Variants in NUP93 observed in about 807,000 individuals in gnomAD.
NUP93 encodes nucleoporin 93, also known as nuclear pore complex protein Nup93.
Under a neutral mutation model 107.8 loss-of-function variants are expected in NUP93, and 55 were observed. That is an observed-to-expected ratio of 0.51 (90% confidence interval 0.41 to 0.64). The LOEUF (loss-of-function observed/expected upper bound fraction) is 0.64. Among genes scored for constraint, NUP93 ranks in the 30% least tolerant of loss-of-function variants. The pLI, the probability that NUP93 is intolerant of heterozygous loss-of-function variation, is 0.00. For missense variants in NUP93, 937 were observed against 1,044.7 expected (o/e 0.90, Z 1.42); for synonymous variants, 390 against 397.5 (o/e 0.98, Z 0.22).
At chr16:56,731,218 C>G (rs1172438218) in intron 1 of NUP93, among the ~76,000 whole-genome samples, 1 of 152,052 alleles carries the variant, frequency 6.6e-6, no homozygotes, top group Non-Finnish European at 1.5e-5. Flanking sequence ...CTTAATATCT[C>G]CACTGAGATG....
At chr16:56,745,150 A>G (rs1961800393) in intron 1 of NUP93, among the ~76,000 whole-genome samples, 1 of 152,210 alleles carries the variant, frequency 6.6e-6, no homozygotes, top group Non-Finnish European at 1.5e-5. Flanking sequence ...CCTCAAAGGC[A>G]GAGTGACAGG....
At chr16:56,750,376 T>A (rs555001468) in intron 2 of NUP93, among the ~76,000 whole-genome samples, 1 of 152,302 alleles carries the variant, frequency 6.6e-6, no homozygotes, top group Non-Finnish European at 1.5e-5. Context: ...GAGAACTGAG[T>A]AGGAAAAATT....
chr16:56,741,320 C>G (rs1305625484), intron 1 of NUP93, among the ~76,000 whole-genome samples: 1 of 152,108 alleles, frequency 6.6e-6, no homozygotes, highest in Non-Finnish European at 1.5e-5. Flanking sequence ...TATAAATCAG[C>G]AGAGTTTATA....
chr16:56,740,514 C>T (rs1439818035), intron 1 of NUP93, among the ~76,000 whole-genome samples: 9 of 149,128 alleles, frequency 6.0e-5, no homozygotes, highest in Admixed American at 1.3e-4. Flanking sequence ...GGATGGCGGC[C>T]GGGCGGAGAC....
intron 3 of NUP93, among the ~76,000 whole-genome samples, chr16:56,788,409 A>G (rs1962676845): frequency 1.3e-5 from 2 of 152,332 alleles, no homozygotes; most frequent in South Asian, 4.1e-4. Flanking sequence ...CTACAACCCT[A>G]CAAGGGTAGC....
At chr16:56,838,839 A>T in intron 18 of NUP93, 113 bp from the exon 19 acceptor site, 2 of 753,242 alleles carry the variant, frequency 2.7e-6, no homozygotes, top group Non-Finnish European at 4.6e-6. Context: ...AGCTGAGATT[A>T]CAGGCATGAG....
At chr16:56,835,721 A>G (rs1963894636) in intron 16 of NUP93, among the ~76,000 whole-genome samples, 1 of 152,200 alleles carries the variant, frequency 6.6e-6, no homozygotes, top group South Asian at 2.1e-4. Context: ...CAGAATGGCC[A>G]GGCAGAGATG....
At chr16:56,832,054 T>C (rs767418012) in intron 11 of NUP93, 47 bp downstream of exon 11, 1 of 1,604,666 alleles carries the variant, frequency 6.2e-7, no homozygotes, top group Non-Finnish European at 8.5e-7. Flanking sequence ...CCCTTTTCTG[T>C]GCTCAAGTCC....
intron 2 of NUP93, 64 bp downstream of exon 2, chr16:56,748,490 T>TTCCTGCCTTGAATTCAGA: frequency 7.3e-7 from 1 of 1,372,192 alleles, no homozygotes; most frequent in Non-Finnish European, 1.0e-6. Flanking sequence ...TGTTTCTTCT[T>TTCCTGCCTTGAATTCAGA]TCCTGCCTTG....
chr16:56,826,991 A>G (rs1045101097), intron 8 of NUP93, among the ~76,000 whole-genome samples: 6 of 133,482 alleles, frequency 4.5e-5, no homozygotes, highest in African/African-American at 1.7e-4. Flanking sequence ...GGTTGCAGTG[A>G]GCCGAGGTGG....
chr16:56,793,612 A>G (rs1596806975), intron 3 of NUP93, among the ~76,000 whole-genome samples: 1 of 152,128 alleles, frequency 6.6e-6, no homozygotes, highest in African/African-American at 2.4e-5. Context: ...AAGGAAACAC[A>G]TGGGTAGGAA....
Position 56,849,510 on chromosome 16 carries a change from G to A in NUP93, c.*4901G>A, listed in dbSNP as rs147888130. On this transcript the variant is annotated 3_prime_UTR_variant, in exon 22 of 22. Transcript: ENST00000308159. ...AAGTGGGGAGTCAGTGATCCCAGAG[G>A]GGACTTCAGCATCAGGACATATGCT... is the stretch of plus-strand genomic sequence containing the variant. The A allele has an allele frequency of 9.2e-3, 1,402 of 152,246 alleles. 12 individuals are homozygous for A. The highest frequency in any genetic ancestry group is 0.027 in the South Asian group (129 of 4,818). 9.4% of individuals were successfully genotyped at this position (152,246 alleles called of 1,614,324 possible). A position where few individuals can be genotyped will look rare whatever the true frequency, so the allele number is the denominator to read the frequency against.
At chr16:56,768,217 C>T (rs1176638416) in intron 3 of NUP93, among the ~76,000 whole-genome samples, 1 of 152,182 alleles carries the variant, frequency 6.6e-6, no homozygotes, top group Non-Finnish European at 1.5e-5. Flanking sequence ...CTTCCTTCTT[C>T]CTTCCCTGTT....
intron 4 of NUP93, among the ~76,000 whole-genome samples, chr16:56,804,810 A>G (rs1204436533): frequency 1.3e-5 from 2 of 151,634 alleles, no homozygotes; most frequent in Non-Finnish European, 2.9e-5. Context: ...GGAGGCTGAG[A>G]CAGGAAAATC....
At chr16:56,802,217 C>G (rs1963035691) in intron 4 of NUP93, among the ~76,000 whole-genome samples, 1 of 152,108 alleles carries the variant, frequency 6.6e-6, no homozygotes, top group Non-Finnish European at 1.5e-5. Flanking sequence ...TTGGTTTGAC[C>G]ACTATGTAGG....
intron 4 of NUP93, among the ~76,000 whole-genome samples, chr16:56,802,734 A>G (rs1470727390): frequency 6.6e-6 from 1 of 152,226 alleles, no homozygotes; most frequent in Non-Finnish European, 1.5e-5. Context: ...ATCAGTATAA[A>G]TTATCTGTGT....
intron 9 of NUP93, among the ~76,000 whole-genome samples, chr16:56,829,759 A>G (rs1187300096): frequency 1.3e-5 from 2 of 152,180 alleles, no homozygotes; most frequent in African/African-American, 4.8e-5. Context: ...CTTGGGGCCC[A>G]CTAGTGAAGG....
rs981529744 is a variant in NUP93 at position 56,848,145 on chromosome 16, G to A, written c.*3536G>A. On this transcript the variant is annotated 3_prime_UTR_variant, in exon 22 of 22. Coordinates refer to ENST00000308159, the MANE Select transcript of NUP93 (RefSeq NM_014669.5). Reference sequence around the variant, plus strand: ...GAACCTTTGTCTAGTTCATTAGGTGGTTCACATCACTTGCCAAATTTCCAG... The same window carrying A: ...GAACCTTTGTCTAGTTCATTAGGTGATTCACATCACTTGCCAAATTTCCAG... 3 of 152,094 alleles carry A rather than the reference G, an allele frequency of 2.0e-5. No individual in the cohort carries two copies. The highest frequency in any genetic ancestry group is 4.4e-5 in the Non-Finnish European group (3 of 68,024). 9.4% of individuals were successfully genotyped at this position (152,094 alleles called of 1,614,324 possible).
intron 2 of NUP93, among the ~76,000 whole-genome samples, chr16:56,755,737 T>C (rs765502345): frequency 3.3e-5 from 5 of 152,038 alleles, no homozygotes; most frequent in Non-Finnish European, 5.9e-5. Flanking sequence ...TAGCTGAGTG[T>C]GCTGGTGTGC....
Sources: gnomAD v4.1 joint callset for allele counts (sites outside exome capture counted in the v4.1 genomes callset) on GRCh38, gnomAD v4.1.1 for gene constraint, MANE v1.5 for transcripts, NCBI Gene and HGNC (gene_info 2026-07-23, HGNC 2026-07-21) for gene names.